Variants in SH3PXD2A observed in about 807,000 individuals in gnomAD.
SH3PXD2A encodes SH3 and PX domains 2A.
In SH3PXD2A, 32 loss-of-function variants were observed where a neutral mutation model predicts 115.2. The ratio of observed to expected loss-of-function variants is 0.28; its 90% CI spans 0.21 to 0.37. SH3PXD2A has a LOEUF of 0.37. SH3PXD2A is among the 10% of genes least tolerant of loss of function. The pLI, the probability that SH3PXD2A is intolerant of heterozygous loss-of-function variation, is 1.00. For missense variants in SH3PXD2A, 1,328 were observed against 1,498.7 expected (o/e 0.89, Z 1.88); for synonymous variants, 610 against 629.1 (o/e 0.97, Z 0.45).
chr10:103,841,456 G>A (rs2039597361), intron 1 of SH3PXD2A, among the ~76,000 whole-genome samples: 1 of 152,106 alleles, frequency 6.6e-6, no homozygotes, highest in African/African-American at 2.4e-5. Context: ...GTTTCCCCAG[G>A]AGGTCTCTTT....
chr10:103,602,607 C>G lies in SH3PXD2A; in HGVS notation c.2611G>C (p.Glu871Gln). ...TACCACCACCCGCTCTCCTGCTTCT[C>G]CAGCACCTGCACCTCCACGCCCGCG... ...FPAGVEVQVL[E>Q]KQESGWWYVR... Residue 871 changes from glutamate (E) to glutamine (Q), a missense_variant, in exon 15 of 15, where the codon GAG (glutamate) becomes CAG (glutamine). Glu to Gln is a conservative substitution (Grantham distance 29, BLOSUM62 2). Coordinates refer to ENST00000369774, the MANE Select transcript of SH3PXD2A (RefSeq NM_001394015.1). The G allele has an allele frequency of 6.2e-7, 1 of 1,614,198 alleles. No homozygotes were observed. Among genetic ancestry groups the G allele is most frequent in the Non-Finnish European group, 8.5e-7 (1 of 1,180,044 alleles).
intron 5 of SH3PXD2A, among the ~76,000 whole-genome samples, chr10:103,719,782 C>T (rs1364612653): frequency 3.8e-5 from 5 of 130,546 alleles, no homozygotes; most frequent in East Asian, 4.4e-4. Context: ...TGCAGTGGTG[C>T]GATCTCGGCT....
chr10:103,766,776 G>A (rs2134224110), intron 3 of SH3PXD2A, among the ~76,000 whole-genome samples: 1 of 152,332 alleles, frequency 6.6e-6, no homozygotes, highest in East Asian at 1.9e-4. Flanking sequence ...TCAGCCTGCA[G>A]CTCTTCATCC....
intron 1 of SH3PXD2A, among the ~76,000 whole-genome samples, chr10:103,847,496 T>C (rs927472513): frequency 2.1e-4 from 32 of 152,282 alleles, no homozygotes; most frequent in African/African-American, 6.5e-4. Context: ...GCTTATTTTT[T>C]AATTTTTTTG....
At chr10:103,702,374 A>T (rs934314332) in intron 5 of SH3PXD2A, among the ~76,000 whole-genome samples, 3 of 152,230 alleles carry the variant, frequency 2.0e-5, no homozygotes, top group African/African-American at 7.2e-5. Flanking sequence ...CAGGTGCCCC[A>T]AAGCTTGGTC....
intron 7 of SH3PXD2A, among the ~76,000 whole-genome samples, chr10:103,667,517 C>T (rs1242001355): frequency 2.6e-5 from 4 of 152,338 alleles, no homozygotes; most frequent in Non-Finnish European, 5.9e-5. Context: ...CAGGCCCAGG[C>T]CCTCGTCACA....
intron 10 of SH3PXD2A, among the ~76,000 whole-genome samples, chr10:103,621,506 A>G (rs572098385): frequency 2.0e-5 from 3 of 152,110 alleles, no homozygotes; most frequent in Admixed American, 2.0e-4. Flanking sequence ...AGACACCAAA[A>G]CATGCTCTTA....
At chr10:103,662,554 C>A (rs1312390365) in intron 7 of SH3PXD2A, among the ~76,000 whole-genome samples, 1 of 150,996 alleles carries the variant, frequency 6.6e-6, no homozygotes, top group South Asian at 2.1e-4. Context: ...CGCCCGCCAC[C>A]GCGCCCGGCT....
intron 2 of SH3PXD2A, among the ~76,000 whole-genome samples, chr10:103,788,701 T>C (rs1234713599): frequency 2.6e-5 from 4 of 152,046 alleles, no homozygotes; most frequent in Non-Finnish European, 5.9e-5. Context: ...ACCCCGTCTC[T>C]ACTAAAAATA....
intron 2 of SH3PXD2A, among the ~76,000 whole-genome samples, chr10:103,781,538 C>T (rs1165236721): frequency 6.6e-6 from 1 of 152,116 alleles, no homozygotes; most frequent in Non-Finnish European, 1.5e-5. Context: ...GTTAGCCTGC[C>T]CTGACTCATA....
At chr10:103,644,612 G>A (rs1185560929) in intron 8 of SH3PXD2A, among the ~76,000 whole-genome samples, 1 of 146,730 alleles carries the variant, frequency 6.8e-6, no homozygotes. Context: ...AAAGTCTCCA[G>A]GCTATAGGCT....
intron 6 of SH3PXD2A, among the ~76,000 whole-genome samples, chr10:103,692,495 G>A (rs1238564583): frequency 6.6e-6 from 1 of 152,208 alleles, no homozygotes; most frequent in Non-Finnish European, 1.5e-5. Context: ...GTTGGGGCAG[G>A]GAAGAAGGTC....
chr10:103,762,013 T>A (rs1001161723), intron 3 of SH3PXD2A, among the ~76,000 whole-genome samples: 1 of 102,610 alleles, frequency 9.7e-6, no homozygotes, highest in Non-Finnish European at 2.0e-5. Context: ...AATCAACACG[T>A]CTTTTTTTTT....
chr10:103,693,426 C>G (rs945634401), intron 5 of SH3PXD2A: 1 of 151,928 alleles, frequency 6.6e-6, no homozygotes, highest in Non-Finnish European at 1.5e-5. Flanking sequence ...CGCCGGAACC[C>G]GGCCCCTACC....
At chr10:103,750,780 G>C (rs1301464959) in intron 3 of SH3PXD2A, among the ~76,000 whole-genome samples, 1 of 144,890 alleles carries the variant, frequency 6.9e-6, no homozygotes, top group African/African-American at 2.5e-5. Context: ...TGAGGGGCAC[G>C]GGCTTTTTTT....
chr10:103,748,280 G>T (rs191267316), intron 3 of SH3PXD2A, among the ~76,000 whole-genome samples: 1 of 152,348 alleles, frequency 6.6e-6, no homozygotes, highest in African/African-American at 2.4e-5. Context: ...CGAGGAAGTG[G>T]TGGAGCTGGG....
intron 2 of SH3PXD2A, among the ~76,000 whole-genome samples, chr10:103,777,045 G>A (rs981959670): frequency 6.6e-5 from 10 of 152,254 alleles, no homozygotes; most frequent in Non-Finnish European, 1.5e-4. Context: ...TTTAGAAAAT[G>A]TGAAGAAAAA....
intron 3 of SH3PXD2A, among the ~76,000 whole-genome samples, chr10:103,759,192 A>C (rs1374132318): frequency 1.3e-5 from 2 of 152,066 alleles, no homozygotes; most frequent in African/African-American, 4.8e-5. Context: ...CTTGCAATTC[A>C]CCCAGCACCC....
chr10:103,739,561 G>A (rs1014029482), intron 3 of SH3PXD2A, among the ~76,000 whole-genome samples: 2 of 152,104 alleles, frequency 1.3e-5, no homozygotes, highest in African/African-American at 4.8e-5. Context: ...CGTATAAAAA[G>A]GGGGAGAGAA....
Sources: allele counts gnomAD v4.1 joint callset (sites outside exome capture counted in the v4.1 genomes callset), GRCh38; gene constraint gnomAD v4.1.1; transcripts MANE v1.5; gene names NCBI Gene and HGNC (gene_info 2026-07-23, HGNC 2026-07-21).